MAPK15: variants seen among roughly 807,000 people sequenced by gnomAD.
MAPK15 encodes ERK-7.
A neutral mutation model predicts 60.8 loss-of-function variants in MAPK15; 61 were observed. The ratio of observed to expected loss-of-function variants is 1.00; its 90% CI spans 0.82 to 1.24. MAPK15 has a LOEUF of 1.24. Among genes scored for constraint, MAPK15 ranks in the 50% most tolerant of loss-of-function variants. MAPK15 has a pLI of 0.00. For synonymous variants in MAPK15, 356 were observed against 319.9 expected (o/e 1.11, Z -1.21); for missense variants, 808 against 741.1 (o/e 1.09, Z -1.05).
Position 143,719,169 on chromosome 8 carries a change from C to T in MAPK15, c.581+13C>T, listed in dbSNP as rs1817942050. ...TCTCTTCGCACCGGTAATAGCGAGA[C>T]ATCCCCAACCCCCCCTCCACCTCCC... On this transcript the variant is annotated intron_variant, in intron 6 of 13. Coordinates refer to ENST00000338033, the MANE Select transcript of MAPK15 (RefSeq NM_139021.3). The T allele has an allele frequency of 7.0e-7, 1 of 1,423,214 alleles. No homozygotes were observed. The highest frequency in any genetic ancestry group is 2.7e-5 in the Admixed American group (1 of 36,426). 88.2% of individuals were successfully genotyped at this position (1,423,214 alleles called of 1,614,324 possible).
In MAPK15 at chr8:143,716,408, C is replaced by G. The variant is rs782506286; in HGVS notation, c.31C>G (p.Arg11Gly). 4.4e-6 allele frequency: 7 copies of G among 1,605,560 alleles called. No homozygotes were observed. Among genetic ancestry groups the G allele is most frequent in the Non-Finnish European group, 5.1e-6 (6 of 1,176,952 alleles). Residue 11 changes from arginine (R) to glycine (G), a missense_variant, in exon 1 of 14, where the codon CGG (arginine) becomes GGG (glycine). Arg to Gly is a moderately radical substitution (Grantham distance 125). Transcript: ENST00000338033. MCTVVDPRIVRRYLLRRQLGQ... is the reference protein window; with the variant it reads MCTVVDPRIVGRYLLRRQLGQ... ...CACCGTAGTGGACCCTCGCATTGTC[C>G]GGAGATACCTACTCAGGCGGCAGCT...
At chr8:143,719,651 C>T (rs190142028) in intron 7 of MAPK15, among the ~76,000 whole-genome samples, 169 bp downstream of exon 7, 1 of 152,116 alleles carries the variant, frequency 6.6e-6, no homozygotes, top group East Asian at 1.9e-4. Context: ...TGATGGGGGC[C>T]CAGGAGGAGC....
At chr8:143,716,521 T>TCC in intron 1 of MAPK15, 78 bp downstream of exon 1, 1 of 1,401,360 alleles carries the variant, frequency 7.1e-7, no homozygotes, top group Non-Finnish European at 9.7e-7. Context: ...GCGCGGCCGG[T>TCC]CCCCTCGGAG....
rs782567699 is a variant in MAPK15, at chr8:143,716,434, C to T, written c.57C>T (p.Leu19=). 20 of 1,603,080 alleles carry T rather than the reference C, an allele frequency of 1.2e-5. No homozygotes were observed. The highest frequency in any genetic ancestry group is 2.2e-5 in the South Asian group (2 of 89,458). The stretch of plus-strand genomic sequence containing the variant: ...GGAGATACCTACTCAGGCGGCAGCT[C>T]GGGCAGGGGGTGAGTGCCTGGGGGT... The part of the protein sequence containing the change: ...IVRRYLLRRQ[L]GQGAYGIVWK... The change falls in exon 1 of 14, where the codon CTC becomes CTT. Residue 19 remains leucine (L), a synonymous_variant. Coordinates refer to ENST00000338033, the MANE Select transcript of MAPK15 (RefSeq NM_139021.3).
rs781894709 is a variant in MAPK15 at position 143,721,098 on chromosome 8, T to A, written c.1016T>A (p.Val339Asp). The A allele has an allele frequency of 1.7e-5, 28 of 1,610,476 alleles. No individual in the cohort carries two copies. The highest frequency in any genetic ancestry group is 2.4e-5 in the Non-Finnish European group (28 of 1,178,502). The part of the protein sequence containing the change: ...QLSVPEYRSR[V>D]YQMILECGGS... ...TCTGTGCCTGAGTACCGCAGCCGCG[T>A]CTATCAGGTGCTCCGGCTCTCGACC... Residue 339 changes from valine (V) to aspartate (D), a missense_variant, in exon 10 of 14, where the codon GTC (valine) becomes GAC (aspartate). Val to Asp is a radical substitution (Grantham distance 152, BLOSUM62 -3). Transcript: ENST00000338033.
chr8:143,719,809 T>C (rs1817976176), intron 7 of MAPK15, among the ~76,000 whole-genome samples: 1 of 151,438 alleles, frequency 6.6e-6, no homozygotes, highest in Non-Finnish European at 1.5e-5. Flanking sequence ...GGAGCTGGGG[T>C]GTGCAGAGAC....
At chr8:143,717,911 T>C in intron 2 of MAPK15, 119 bp downstream of exon 2, 2 of 1,498,278 alleles carry the variant, frequency 1.3e-6, no homozygotes, top group South Asian at 2.3e-5. Context: ...TTCTGGCCTG[T>C]CTCGGAACAC....
intron 7 of MAPK15, among the ~76,000 whole-genome samples, chr8:143,719,706 A>G (rs1554619333): frequency 6.6e-6 from 1 of 152,140 alleles, no homozygotes; most frequent in Non-Finnish European, 1.5e-5. Flanking sequence ...CACAGTCACC[A>G]TGAGAGCCAA....
intron 4 of MAPK15, 40 bp from the exon 5 acceptor site, chr8:143,718,735 A>ACC: frequency 9.1e-6 from 1 of 110,036 alleles, no homozygotes; most frequent in South Asian, 1.6e-4. Flanking sequence ...TTGCCCCCCC[A>ACC]GCCCCCCACC....
At chr8:143,721,142 C>T in intron 10 of MAPK15, 37 bp downstream of exon 10, 2 of 1,601,008 alleles carry the variant, frequency 1.2e-6, no homozygotes, top group Non-Finnish European at 1.7e-6. Context: ...CCCCTGTCTA[C>T]TGCACCCTGG....
intron 11 of MAPK15, 67 bp from the exon 12 acceptor site, chr8:143,721,482 C>T (rs932243472): frequency 8.6e-5 from 139 of 1,611,678 alleles, no homozygotes; most frequent in Admixed American, 3.2e-4. Flanking sequence ...GCCAACTATG[C>T]GCAGCATTCG....
intron 4 of MAPK15, 32 bp from the exon 5 acceptor site, chr8:143,718,737 CCCCCCA>C: frequency 1.0e-6 from 1 of 975,034 alleles, no homozygotes; most frequent in Non-Finnish European, 1.4e-6. Flanking sequence ...GCCCCCCCAG[CCCCCCA>C]CCCCCGACTG....
rs782501494 is a variant in MAPK15 at position 143,721,631 on chromosome 8, G to T, written c.1287G>T (p.Arg429Ser). 2.5e-6 allele frequency: 4 copies of T among 1,610,522 alleles called. No individual in the cohort carries two copies. The highest frequency in any genetic ancestry group is 4.5e-5 in the East Asian group (2 of 44,834). ...LQTALLGNGE[R>S]PPGAKEAPPL... ...CTGCTCTCCTAGGGAATGGGGAAAG[G>T]CCCCCTGGGGCGAAGGAAGCGCCCC... The change falls in exon 12 of 14, where the codon AGG (arginine) becomes AGT (serine). Residue 429 changes from arginine to serine, a missense_variant. Transcript: ENST00000338033.
Position 143,721,656 on chromosome 8 carries a change from C to A in MAPK15, c.1312C>A (p.Pro438Thr), listed in dbSNP as rs782025905. The A allele has an allele frequency of 6.2e-7, 1 of 1,609,110 alleles. No homozygotes were observed. Among genetic ancestry groups the A allele is most frequent in the South Asian group, 1.1e-5 (1 of 90,600 alleles). The change falls in exon 12 of 14, where the codon CCC (proline) becomes ACC (threonine). Residue 438 changes from proline to threonine, a missense_variant. Pro to Thr is a conservative substitution (Grantham distance 38, BLOSUM62 -1). Transcript: ENST00000338033. ...ERPPGAKEAP[P>T]LTLSLVKPSG... Reference sequence around the variant, plus strand: ...GCCCCCTGGGGCGAAGGAAGCGCCCCCCTTGACACTCTCGCTGGTAAGTCA... The same window carrying A: ...GCCCCCTGGGGCGAAGGAAGCGCCCACCTTGACACTCTCGCTGGTAAGTCA...
chr8:143,719,395 C>T lies in MAPK15; in HGVS notation c.634C>T (p.Leu212=). The change falls in exon 7 of 14, where the codon CTG becomes TTG. Residue 212 remains leucine (L), a synonymous_variant. Transcript: ENST00000338033. ...TCTGGGCTGTATCCTGGGGGAGATG[C>T]TGCGGGGGAGACCCCTGTTCCCCGG... is the stretch of plus-strand genomic sequence containing the variant. ...WSLGCILGEM[L]RGRPLFPGTS... 2.5e-6 allele frequency: 4 copies of T among 1,611,360 alleles called. No individual in the cohort carries two copies. Among genetic ancestry groups the T allele is most frequent in the East Asian group, 2.2e-5 (1 of 44,822 alleles).
chr8:143,722,357 G>T lies in MAPK15; in HGVS notation c.*106G>T, dbSNP rs1037820613. 2.6e-5 allele frequency: 29 copies of T among 1,099,770 alleles called. No homozygotes were observed. In the South Asian group the frequency reaches 4.6e-4, roughly 17 times the overall value. The allele number at this position is 1,099,770 out of a possible 1,614,324, so 68.1% of individuals were successfully genotyped here. ...TAGCCCTCCCTGCTTTGCCTGGCCC[G>T]TTGAAGTTCCAGGGAGCTTGCCCGG... On this transcript the variant is annotated 3_prime_UTR_variant, in exon 14 of 14. Coordinates refer to ENST00000338033, the MANE Select transcript of MAPK15 (RefSeq NM_139021.3).
chr8:143,716,858 T>C (rs562592254), intron 1 of MAPK15, among the ~76,000 whole-genome samples: 31 of 151,946 alleles, frequency 2.0e-4, no homozygotes, highest in African/African-American at 6.5e-4. Context: ...TGAGCGGTTA[T>C]GGGGTGGGCG....
In MAPK15 at chr8:143,717,250, T is replaced by C. The variant is rs990023788; in HGVS notation, c.67-444T>C. Among the ~76,000 whole-genome samples, 3 of 152,072 alleles carry C rather than the reference T, an allele frequency of 2.0e-5. 1 individual carries two copies. In the South Asian group the frequency reaches 6.2e-4, roughly 32 times the overall value. ...GGCAGACGGAGATGAGTTAAGGGGT[T>C]AGCGTAGCCACGCAGCGAGAGATGC... On this transcript the variant is annotated intron_variant, in intron 1 of 13. Coordinates refer to ENST00000338033, the MANE Select transcript of MAPK15 (RefSeq NM_139021.3).
In MAPK15 at chr8:143,722,215, G is replaced by A. The variant is rs1022168143; in HGVS notation, c.1599G>A (p.Leu533=). The change falls in exon 14 of 14, where the codon CTG becomes CTA. Residue 533 remains leucine, a synonymous_variant. Transcript: ENST00000338033. ...QAYGTVCHSA[L]GHLPLLEGHH... The stretch of plus-strand genomic sequence containing the variant: ...ACGGGACTGTCTGCCACTCGGCACT[G>A]GGCCACCTGCCCCTGCTGGAGGGGC... 1 of 1,601,418 alleles carries A rather than the reference G, an allele frequency of 6.2e-7. No homozygotes were observed. The highest frequency in any genetic ancestry group is 8.5e-7 in the Non-Finnish European group (1 of 1,173,642).
Sources: gnomAD v4.1 joint callset for allele counts (sites outside exome capture counted in the v4.1 genomes callset) on GRCh38, gnomAD v4.1.1 for gene constraint, MANE v1.5 for transcripts, NCBI Gene and HGNC (gene_info 2026-07-23, HGNC 2026-07-21) for gene names.